UGT2B17: variants seen among roughly 807,000 people sequenced by gnomAD.
The protein encoded by UGT2B17 is UDP glucuronosyltransferase family 2 member B17.
Under a neutral mutation model 48.2 loss-of-function variants are expected in UGT2B17, and 21 were observed. The observed-to-expected ratio is 0.44, with a 90% CI of 0.31 to 0.63. UGT2B17 has a LOEUF of 0.63. UGT2B17 is among the 20% of genes least tolerant of loss of function. UGT2B17 has a pLI of 0.08. For synonymous variants in UGT2B17, 146 were observed against 238.4 expected (o/e 0.61, Z 3.57); for missense variants, 402 against 696.1 (o/e 0.58, Z 4.75).
rs1338699041 is a variant in UGT2B17 at position 68,575,331 on chromosome 4, C to T, written c.-65+620G>A. Among the ~76,000 whole-genome samples, 5 of 122,066 alleles carry T rather than the reference C, an allele frequency of 4.1e-5. 1 individual carries two copies. The highest frequency in any genetic ancestry group is 1.4e-4 in the African/African-American group (5 of 35,378). 80.1% of individuals were successfully genotyped at this position (122,066 alleles called of 152,430 possible). On this transcript the variant is annotated intron_variant, in intron 1 of 6. Coordinates refer to ENST00000317746, the MANE Select transcript of UGT2B17 (RefSeq NM_001077.4). ...CTATGTACAGAACCTGGTCTGGGTG[C>T]CTTGGCTTACAGGTTACCTTGTGCC...
At position 68,558,502 on chromosome 4, in the gene UGT2B17, C is replaced by T; in HGVS notation, c.1005+2035G>A. 1.6e-5 allele frequency among the ~76,000 whole-genome samples: 2 copies of T among 126,332 alleles called. 1 individual carries two copies. The highest frequency in any genetic ancestry group is 3.4e-5 in the Non-Finnish European group (2 of 59,458). The allele number at this position is 126,332 out of a possible 152,430, so 82.9% of individuals were successfully genotyped here. On this transcript the variant is annotated intron_variant, in intron 4 of 6. Transcript: ENST00000317746. ...ATACATAATCCACTTTCATACCTGC[C>T]TACTGATTTATGGACTTCAGAGTAA... is the stretch of plus-strand genomic sequence containing the variant.
chr4:68,537,880 T>C lies in UGT2B17; in HGVS notation c.1338A>G (p.Leu446=). The C allele has an allele frequency of 7.3e-7, 1 of 1,369,520 alleles. No individual in the cohort carries two copies. Among genetic ancestry groups the C allele is most frequent in the African/African-American group, 1.5e-5 (1 of 67,830 alleles). 84.8% of individuals were successfully genotyped at this position (1,369,520 alleles called of 1,614,324 possible). A position where few individuals can be genotyped will look rare whatever the true frequency, so the allele number is the denominator to read the frequency against. ...DPIYKENIMK[L]SRIHHDQPVK... ...CCGGTTGATCATGATGAATTCTTGATAATTTCATGATATTCTCTTTATAGC... is the reference window on the plus strand; with the variant it reads ...CCGGTTGATCATGATGAATTCTTGACAATTTCATGATATTCTCTTTATAGC... Residue 446 remains leucine (L), a synonymous_variant, in exon 7 of 7, where the codon TTA becomes TTG. Coordinates refer to ENST00000317746, the MANE Select transcript of UGT2B17 (RefSeq NM_001077.4).
chr4:68,562,371 C>A (rs1271278286), intron 3 of UGT2B17, among the ~76,000 whole-genome samples: 1 of 125,516 alleles, frequency 8.0e-6, no homozygotes, highest in Non-Finnish European at 1.7e-5. Context: ...CCTCGGCCTC[C>A]CAAAGTGGTG....
intron 6 of UGT2B17, among the ~76,000 whole-genome samples, chr4:68,543,493 G>A (rs1730725558): frequency 8.0e-6 from 1 of 124,958 alleles, no homozygotes; most frequent in African/African-American, 2.7e-5. Context: ...GGAAAAAAGA[G>A]CAGAAAAACT....
Position 68,567,701 on chromosome 4 carries a change from C to T in UGT2B17, c.724+60G>A. The T allele has an allele frequency of 1.3e-5, 15 of 1,130,626 alleles. 2 individuals are homozygous for T. Among genetic ancestry groups the T allele is most frequent in the African/African-American group, 1.6e-5 (1 of 61,120 alleles). The allele number at this position is 1,130,626 out of a possible 1,614,324, so 70.0% of individuals were successfully genotyped here. ...TTCTGACATTATATTTATATAAGCC[C>T]ACCTTCAAAGGCACAGGAAAATTAG... is the stretch of plus-strand genomic sequence containing the variant. On this transcript the variant is annotated intron_variant, in intron 2 of 6. Coordinates refer to ENST00000317746, the MANE Select transcript of UGT2B17 (RefSeq NM_001077.4).
rs1218043328 is a variant in UGT2B17 at position 68,574,644 on chromosome 4, A to G, written c.-65+1307T>C. Among the ~76,000 whole-genome samples the G allele has an allele frequency of 1.6e-5, 2 of 126,796 alleles. 1 individual carries two copies. Among genetic ancestry groups the G allele is most frequent in the Non-Finnish European group, 3.3e-5 (2 of 59,796 alleles). 83.2% of individuals were successfully genotyped at this position (126,796 alleles called of 152,430 possible). A position where few individuals can be genotyped will look rare whatever the true frequency, so the allele number is the denominator to read the frequency against. ...TTTTGACTTTTTAATGTAGGTAAAA[A>G]TCCACATTCTTATGCCTCCTTATAA... On this transcript the variant is annotated intron_variant, in intron 1 of 6. Transcript: ENST00000317746.
intron 4 of UGT2B17, among the ~76,000 whole-genome samples, chr4:68,552,974 T>C (rs1730942727): frequency 8.0e-6 from 1 of 125,420 alleles, no homozygotes; most frequent in Admixed American, 8.2e-5. Context: ...TGAGGTTTCT[T>C]TCCTACTTCT....
At chr4:68,562,822 A>G (rs1282053046) in intron 3 of UGT2B17, among the ~76,000 whole-genome samples, 1 of 126,126 alleles carries the variant, frequency 7.9e-6, no homozygotes, top group Non-Finnish European at 1.7e-5. Context: ...ATTTTTTCTC[A>G]TTGTATATGC....
rs148225347 is a variant in UGT2B17, at chr4:68,562,632, C to T, written c.874-1964G>A. On this transcript the variant is annotated intron_variant, in intron 3 of 6. Transcript: ENST00000317746. Reference sequence around the variant, plus strand: ...GATCAGCACTGATCTCATTCTGTGACGTCTTTATGAAAGCAATGGTAATAG... The same window carrying T: ...GATCAGCACTGATCTCATTCTGTGATGTCTTTATGAAAGCAATGGTAATAG... 2.9e-4 allele frequency among the ~76,000 whole-genome samples: 36 copies of T among 125,762 alleles called. 8 individuals are homozygous for T. The highest frequency in any genetic ancestry group is 2.2e-3 in the South Asian group (6 of 2,668). The allele number at this position is 125,762 out of a possible 152,430, so 82.5% of individuals were successfully genotyped here.
At chr4:68,544,624 G>A (rs1291831464) in intron 6 of UGT2B17, among the ~76,000 whole-genome samples, 1 of 125,934 alleles carries the variant, frequency 7.9e-6, no homozygotes, top group African/African-American at 2.7e-5. Context: ...TGGGTTAAAT[G>A]CTAGAATTAA....
In UGT2B17 at chr4:68,554,303, G is replaced by T. The variant is rs563414156; in HGVS notation, c.1006-2392C>A. Among the ~76,000 whole-genome samples the T allele has an allele frequency of 3.2e-5, 4 of 125,794 alleles. 2 individuals carry two copies. Among genetic ancestry groups the T allele is most frequent in the South Asian group, 7.6e-4 (2 of 2,632 alleles). The allele number at this position is 125,794 out of a possible 152,430, so 82.5% of individuals were successfully genotyped here. A position where few individuals can be genotyped will look rare whatever the true frequency, so the allele number is the denominator to read the frequency against. On this transcript the variant is annotated intron_variant, in intron 4 of 6. Coordinates refer to ENST00000317746, the MANE Select transcript of UGT2B17 (RefSeq NM_001077.4). ...AGAAGAAGAATGATCCCCTGATATC[G>T]CCTGTTTGGATTTATGACACCTCTA... is the stretch of plus-strand genomic sequence containing the variant.
rs1381097769 is a variant in UGT2B17, at chr4:68,537,648, C to A, written c.1570G>T (p.Gly524Ter). Residue 524 changes from glycine (G) to a stop codon, truncating the protein, a stop_gained, in exon 7 of 7, where the codon GGA becomes TGA. Transcript: ENST00000317746. LOFTEE classifies it high-confidence loss of function. ...LFCFRKLAKT[G>*]KKKKRD ...AACTAATCCCTTTTCTTCTTCTTTC[C>A]TGTTTTGGCAAGCTTTCGGAAACAA... The A allele has an allele frequency of 1.5e-6, 2 of 1,373,618 alleles. 1 individual carries two copies. The highest frequency in any genetic ancestry group is 4.0e-5 in the Admixed American group (2 of 50,156). The allele number at this position is 1,373,618 out of a possible 1,614,324, so 85.1% of individuals were successfully genotyped here. A position where few individuals can be genotyped will look rare whatever the true frequency, so the allele number is the denominator to read the frequency against.
In UGT2B17 at chr4:68,552,282, T is replaced by C. The variant is rs1338880878; in HGVS notation, c.1006-371A>G. Among the ~76,000 whole-genome samples the C allele has an allele frequency of 1.6e-5, 2 of 126,126 alleles. 1 individual carries two copies. The highest frequency in any genetic ancestry group is 5.4e-5 in the African/African-American group (2 of 36,954). 82.7% of individuals were successfully genotyped at this position (126,126 alleles called of 152,430 possible). ...TCAGCCCTTGGCTCACTGAGATAAATGCATATCTAATTGCCTCATTTGGAG... is the reference window on the plus strand; with the variant it reads ...TCAGCCCTTGGCTCACTGAGATAAACGCATATCTAATTGCCTCATTTGGAG... On this transcript the variant is annotated intron_variant, in intron 4 of 6. Coordinates refer to ENST00000317746, the MANE Select transcript of UGT2B17 (RefSeq NM_001077.4).
chr4:68,558,361 C>T lies in UGT2B17; in HGVS notation c.1005+2176G>A, dbSNP rs374304139. 4.6e-3 allele frequency among the ~76,000 whole-genome samples: 566 copies of T among 121,946 alleles called. 5 individuals are homozygous for T. Among genetic ancestry groups the T allele is most frequent in the African/African-American group, 0.015 (521 of 35,212 alleles). The allele number at this position is 121,946 out of a possible 152,430, so 80.0% of individuals were successfully genotyped here. A position where few individuals can be genotyped will look rare whatever the true frequency, so the allele number is the denominator to read the frequency against. On this transcript the variant is annotated intron_variant, in intron 4 of 6. Transcript: ENST00000317746. ...GTGTCTTCAGGTTTTTTTTCCTCCCCTTCCACAATTTTTCCTAATTTGGAG... is the reference window on the plus strand; with the variant it reads ...GTGTCTTCAGGTTTTTTTTCCTCCCTTTCCACAATTTTTCCTAATTTGGAG...
In UGT2B17 at chr4:68,551,806, T is replaced by A; in HGVS notation, c.1093+18A>T. 7.9e-7 allele frequency: 1 copy of A among 1,272,692 alleles called. No homozygotes were observed. The highest frequency in any genetic ancestry group is 1.0e-6 in the Non-Finnish European group (1 of 970,808). 78.8% of individuals were successfully genotyped at this position (1,272,692 alleles called of 1,614,324 possible). ...GGCTGTTACTAATATATTCAGTATT[T>A]GTTCTCCAGAGTCTTACCAAGAAGG... is the stretch of plus-strand genomic sequence containing the variant. On this transcript the variant is annotated intron_variant, in intron 5 of 6. Coordinates refer to ENST00000317746, the MANE Select transcript of UGT2B17 (RefSeq NM_001077.4).
Position 68,547,615 on chromosome 4 carries a change from A to C in UGT2B17, c.1313+3062T>G, listed in dbSNP as rs1485082012. Among the ~76,000 whole-genome samples, 2 of 126,264 alleles carry C rather than the reference A, an allele frequency of 1.6e-5. 1 individual carries two copies. Among genetic ancestry groups the C allele is most frequent in the African/African-American group, 5.4e-5 (2 of 36,910 alleles). 82.8% of individuals were successfully genotyped at this position (126,264 alleles called of 152,430 possible). A position where few individuals can be genotyped will look rare whatever the true frequency, so the allele number is the denominator to read the frequency against. ...TAAAGAGCTTCTGCACAGCAAAGGA[A>C]ACTACCATCAGATTGAACAGGCAAC... On this transcript the variant is annotated intron_variant, in intron 6 of 6. Transcript: ENST00000317746.
intron 1 of UGT2B17, among the ~76,000 whole-genome samples, chr4:68,574,477 A>T (rs1249507932): frequency 7.9e-6 from 1 of 126,716 alleles, no homozygotes; most frequent in Non-Finnish European, 1.7e-5. Flanking sequence ...TAAGGAAAAA[A>T]CCTGTTGCAT....
Position 68,567,290 on chromosome 4 carries a change from T to G in UGT2B17, c.724+471A>C, listed in dbSNP as rs1731217507. ...GAGTAGAGCCACTATATTTCTCAAC[T>G]GTGAAGGAATCCTTCTTATATGAAA... On this transcript the variant is annotated intron_variant, in intron 2 of 6. Transcript: ENST00000317746. Among the ~76,000 whole-genome samples the G allele has an allele frequency of 1.6e-5, 2 of 126,260 alleles. 1 individual carries two copies. Among genetic ancestry groups the G allele is most frequent in the African/African-American group, 5.4e-5 (2 of 36,910 alleles). 82.8% of individuals were successfully genotyped at this position (126,260 alleles called of 152,430 possible).
rs1283882794 is a variant in UGT2B17, at chr4:68,537,478, CT to C, written c.*146del. 71 of 689,102 alleles carry C rather than the reference CT, an allele frequency of 1.0e-4. 15 individuals carry two copies. The Admixed American group carries it at 1.8e-3, about 17-fold the overall frequency. The allele number at this position is 689,102 out of a possible 1,614,324, so 42.7% of individuals were successfully genotyped here. On this transcript the variant is annotated 3_prime_UTR_variant, in exon 7 of 7. Coordinates refer to ENST00000317746, the MANE Select transcript of UGT2B17 (RefSeq NM_001077.4). ...TCCAACTAAAGTACATATTAAATTC[CT>C]GGAAAATAAATTTTGACTTAACAGG... is the stretch of plus-strand genomic sequence containing the variant.
Sources: gnomAD v4.1 joint callset for allele counts (sites outside exome capture counted in the v4.1 genomes callset) on GRCh38, gnomAD v4.1.1 for gene constraint, MANE v1.5 for transcripts, NCBI Gene and HGNC (gene_info 2026-07-23, HGNC 2026-07-21) for gene names.